DPH6: variants seen among roughly 807,000 people sequenced by gnomAD.
DPH6 encodes diphthine--ammonia ligase.
In DPH6, 33 loss-of-function variants were observed where a neutral mutation model predicts 38.2. The ratio of observed to expected loss-of-function variants is 0.86; its 90% CI spans 0.65 to 1.15. The LOEUF (loss-of-function observed/expected upper bound fraction) is 1.15, where lower values mean the gene tolerates loss of function less well. DPH6 is among the 50% of genes most tolerant of loss of function. The pLI is 0.00. For synonymous variants in DPH6, 108 were observed against 103.0 expected (o/e 1.05, Z -0.30); for missense variants, 325 against 320.0 (o/e 1.02, Z -0.12).
intron 3 of DPH6, among the ~76,000 whole-genome samples, chr15:35,495,666 A>G (rs1203207556): frequency 1.3e-5 from 2 of 152,184 alleles, no homozygotes; most frequent in Admixed American, 6.5e-5. Context: ...CAATTCTCAA[A>G]TGAATCTATA....
At chr15:35,542,335 CG>C (rs2055264906) in intron 2 of DPH6, 77 bp downstream of exon 2, 2 of 1,183,316 alleles carry the variant, frequency 1.7e-6, no homozygotes, top group South Asian at 3.1e-5. Context: ...CATCTTTGTA[CG>C]GTATACCTGT....
chr15:35,312,446 G>A (rs976216337), intron 3 of DPH6, among the ~76,000 whole-genome samples: 2 of 152,074 alleles, frequency 1.3e-5, no homozygotes, highest in African/African-American at 4.8e-5. Context: ...CCACAAACTG[G>A]AAAAGCAGAG....
chr15:35,377,041 C>T (rs972808817), intron 7 of DPH6, among the ~76,000 whole-genome samples: 3 of 152,036 alleles, frequency 2.0e-5, no homozygotes, highest in African/African-American at 7.2e-5. Flanking sequence ...ATATCTCTAC[C>T]ATAATAAAAA....
chr15:35,491,557 A>G (rs2054478550), intron 3 of DPH6, among the ~76,000 whole-genome samples: 1 of 149,088 alleles, frequency 6.7e-6, no homozygotes, highest in Non-Finnish European at 1.5e-5. Flanking sequence ...GTACACACAC[A>G]CACACACACA....
chr15:35,509,772 T>C (rs779853910), intron 3 of DPH6, among the ~76,000 whole-genome samples: 5 of 152,258 alleles, frequency 3.3e-5, no homozygotes, highest in East Asian at 1.9e-4. Flanking sequence ...TTTTCAAGCA[T>C]AGTGCTTAAG....
rs2052719045 is a variant in DPH6, at chr15:35,372,043, AT to A, written c.*106del. 9 of 1,438,190 alleles carry A rather than the reference AT, an allele frequency of 6.3e-6. No individual in the cohort carries two copies. The highest frequency in any genetic ancestry group is 8.2e-6 in the Non-Finnish European group (9 of 1,099,734). The allele number at this position is 1,438,190 out of a possible 1,614,324, so 89.1% of individuals were successfully genotyped here. On this transcript the variant is annotated 3_prime_UTR_variant, in exon 9 of 9. Transcript: ENST00000256538. Reference sequence around the variant, plus strand: ...AGTGAAAGTATGTTTCTCTAAAAAAATAAGAGTCATGAGAAAAAAATAAACT... The same window carrying A: ...AGTGAAAGTATGTTTCTCTAAAAAAAAAGAGTCATGAGAAAAAAATAAACT...
At chr15:35,476,725 T>C (rs1030795502) in intron 3 of DPH6, among the ~76,000 whole-genome samples, 3 of 151,796 alleles carry the variant, frequency 2.0e-5, no homozygotes, top group South Asian at 2.1e-4. Flanking sequence ...CTATGATTAA[T>C]TAGGTGCAAG....
At chr15:35,284,352 C>T (rs760301760) in intron 3 of DPH6, among the ~76,000 whole-genome samples, 2 of 152,052 alleles carry the variant, frequency 1.3e-5, no homozygotes, top group African/African-American at 2.4e-5. Context: ...TTAAGTGCTG[C>T]TTTTTTTCCC....
At chr15:35,230,424 C>T (rs1221620258) in intron 3 of DPH6, among the ~76,000 whole-genome samples, 1 of 152,060 alleles carries the variant, frequency 6.6e-6, no homozygotes, top group African/African-American at 2.4e-5. Flanking sequence ...GGGGAGTGGG[C>T]TCCCCTTCTG....
At chr15:35,208,188 C>T in the DPH6 span, among the ~76,000 whole-genome samples, 1 of 152,046 alleles carries the variant, frequency 6.6e-6, no homozygotes, top group African/African-American at 2.4e-5. Context: ...ACATTGAATA[C>T]CAAACGAAGT....
chr15:35,285,599 T>G (rs1351946122), intron 3 of DPH6, among the ~76,000 whole-genome samples: 5 of 152,170 alleles, frequency 3.3e-5, no homozygotes, highest in Non-Finnish European at 7.3e-5. Context: ...TGAGTATGTC[T>G]TTATGAGCAG....
the DPH6 span, among the ~76,000 whole-genome samples, chr15:35,179,744 G>T: frequency 6.6e-6 from 1 of 152,168 alleles, no homozygotes. Flanking sequence ...ACTGAATGGG[G>T]TGATACTTGT....
chr15:35,387,142 G>A (rs563860114), intron 6 of DPH6, among the ~76,000 whole-genome samples: 119 of 152,122 alleles, frequency 7.8e-4, no homozygotes, highest in African/African-American at 2.5e-3. Flanking sequence ...GTCAAAGATC[G>A]GATAGTTGTA....
the DPH6 span, among the ~76,000 whole-genome samples, chr15:35,165,216 T>A: frequency 2.6e-5 from 4 of 151,920 alleles, no homozygotes; most frequent in Non-Finnish European, 5.9e-5. Context: ...TTCTAAGACT[T>A]AAATTGTAAG....
At chr15:35,180,250 C>G in the DPH6 span, among the ~76,000 whole-genome samples, 1 of 151,992 alleles carries the variant, frequency 6.6e-6, no homozygotes, top group East Asian at 1.9e-4. Context: ...TGAATAAACT[C>G]ATTAATTAAT....
At chr15:35,313,205 T>G (rs2052159279) in intron 3 of DPH6, among the ~76,000 whole-genome samples, 1 of 151,868 alleles carries the variant, frequency 6.6e-6, no homozygotes, top group African/African-American at 2.4e-5. Flanking sequence ...TACACTCCAG[T>G]ATGGGCTACA....
chr15:35,196,421 C>T, the DPH6 span, among the ~76,000 whole-genome samples: 1 of 152,152 alleles, frequency 6.6e-6, no homozygotes, highest in African/African-American at 2.4e-5. Flanking sequence ...CAGTAGAGTT[C>T]GGACTACCCA....
In DPH6 at chr15:35,243,444, G is replaced by A. The variant is rs1230287687; in HGVS notation, n.201-22862C>T. Among the ~76,000 whole-genome samples, 3 of 143,776 alleles carry A rather than the reference G, an allele frequency of 2.1e-5. 1 individual carries two copies. Among genetic ancestry groups the A allele is most frequent in the Non-Finnish European group, 4.6e-5 (3 of 65,530 alleles). The allele number at this position is 143,776 out of a possible 152,430, so 94.3% of individuals were successfully genotyped here. Reference sequence around the variant, plus strand: ...CCCAAGCCAAGCCATTGCATCCCCTGTGACTTGCACGTATATGCCCAGATG... The same window carrying A: ...CCCAAGCCAAGCCATTGCATCCCCTATGACTTGCACGTATATGCCCAGATG... On this transcript the variant is annotated intron_variant and non_coding_transcript_variant, in intron 3 of 3. Transcript: ENST00000560386.
intron 3 of DPH6, among the ~76,000 whole-genome samples, chr15:35,321,409 A>G (rs1274441581): frequency 1.3e-5 from 2 of 152,226 alleles, no homozygotes; most frequent in Non-Finnish European, 2.9e-5. Context: ...AATACCAAAT[A>G]TTTTCATCTA....
Sources: allele counts gnomAD v4.1 joint callset (sites outside exome capture counted in the v4.1 genomes callset), GRCh38; gene constraint gnomAD v4.1.1; transcripts MANE v1.5; gene names NCBI Gene and HGNC (gene_info 2026-07-23, HGNC 2026-07-21).